The following ATP13A5 variants were observed in gnomAD, a reference collection of about 807,000 sequenced individuals.
ATP13A5 encodes the protein ATPase 13A5.
In ATP13A5, 149 loss-of-function variants were observed where a neutral mutation model predicts 150.2. That is an observed-to-expected ratio of 0.99 (90% CI 0.87 to 1.14). The LOEUF is 1.14. Among genes scored for constraint, ATP13A5 ranks in the 50% most tolerant of loss-of-function variants. The pLI is 0.00. For missense variants in ATP13A5, 1,383 were observed against 1,449.3 expected (o/e 0.95, Z 0.74); for synonymous variants, 497 against 522.2 (o/e 0.95, Z 0.66).
In ATP13A5 at chr3:193,307,348, T is replaced by C; in HGVS notation, c.2547A>G (p.Gly849=). 1 of 1,613,696 alleles carries C rather than the reference T, an allele frequency of 6.2e-7. No homozygotes were observed. The highest frequency in any genetic ancestry group is 1.1e-5 in the South Asian group (1 of 91,050). Residue 849 remains glycine (G), a synonymous_variant, in exon 22 of 30, where the codon GGA becomes GGG. Transcript: ENST00000342358. Reference sequence around the variant, plus strand: ...TCACCCCACAGTCGTTAGCTCCATCTCCACACATGCCCACATAATAACTGC... The same window carrying C: ...TCACCCCACAGTCGTTAGCTCCATCCCCACACATGCCCACATAATAACTGC... The part of the protein sequence containing the change: ...QKLNYYVGMC[G]DGANDCGALK...
intron 21 of ATP13A5, 57 bp downstream of exon 21, chr3:193,310,581 G>A: frequency 7.4e-7 from 1 of 1,346,596 alleles, no homozygotes; most frequent in Non-Finnish European, 1.0e-6. Flanking sequence ...CTGAATTATT[G>A]ACCCATAGGT....
At chr3:193,358,847 G>T (rs1423739399) in intron 5 of ATP13A5, among the ~76,000 whole-genome samples, 1 of 152,086 alleles carries the variant, frequency 6.6e-6, no homozygotes, top group Non-Finnish European at 1.5e-5. Flanking sequence ...AATGGAGATG[G>T]GGTACAAAGA....
chr3:193,351,371 AC>A (rs769736366), intron 6 of ATP13A5, among the ~76,000 whole-genome samples, 170 bp from the exon 7 acceptor site: 12 of 152,036 alleles, frequency 7.9e-5, no homozygotes, highest in Non-Finnish European at 1.8e-4. Context: ...AATGTCAAAC[AC>A]ATAGAATGTG....
In ATP13A5 at chr3:193,301,207, A is replaced by G. The variant is rs770952729; in HGVS notation, c.2775+4T>C. Reference sequence around the variant, plus strand: ...AACTGAGACAAAATGATTTTGTTTCATACCCAATAGAGCAGTAATGCACTG... The same window carrying G: ...AACTGAGACAAAATGATTTTGTTTCGTACCCAATAGAGCAGTAATGCACTG... On this transcript the variant is annotated splice_donor_region_variant and intron_variant, in intron 24 of 29. Transcript: ENST00000342358. 5.6e-6 allele frequency: 9 copies of G among 1,606,122 alleles called. No individual in the cohort carries two copies. The highest frequency in any genetic ancestry group is 1.1e-5 in the South Asian group (1 of 90,428).
chr3:193,362,429 A>T lies in ATP13A5; in HGVS notation c.488T>A (p.Ile163Asn), dbSNP rs138006161. 6.2e-7 allele frequency: 1 copy of T among 1,614,108 alleles called. No homozygotes were observed. The highest frequency in any genetic ancestry group is 1.3e-5 in the African/African-American group (1 of 75,048). Residue 163 changes from isoleucine (I) to asparagine (N), a missense_variant, in exon 5 of 30, where the codon ATC becomes AAC. This residue lies in a region of ATP13A5 where 787 missense variants were observed against 771.9 expected (regional missense o/e 1.02). Transcript: ENST00000342358. The part of the protein sequence containing the change: ...LLEDSNSCSD[I>N]HQTFGLGLTS... Reference sequence around the variant, plus strand: ...CAGACCCAATCCAAATGTCTGATGGATGTCAGAGCAGGAATTGCTGTCTTC... The same window carrying T: ...CAGACCCAATCCAAATGTCTGATGGTTGTCAGAGCAGGAATTGCTGTCTTC...
At chr3:193,353,029 G>A (rs1365155437) in intron 6 of ATP13A5, among the ~76,000 whole-genome samples, 2 of 152,014 alleles carry the variant, frequency 1.3e-5, no homozygotes, top group African/African-American at 2.4e-5. Context: ...AACAAGGGTG[G>A]CCATGGGCTT....
At chr3:193,308,464 C>CA (rs966123663) in intron 21 of ATP13A5, among the ~76,000 whole-genome samples, 11 of 151,700 alleles carry the variant, frequency 7.3e-5, no homozygotes, top group South Asian at 2.1e-4. Context: ...GTCTCAAAAA[C>CA]AAAAAAAAGT....
intron 25 of ATP13A5, among the ~76,000 whole-genome samples, chr3:193,298,347 A>C (rs1718256186): frequency 6.6e-6 from 1 of 152,120 alleles, no homozygotes; most frequent in African/African-American, 2.4e-5. Context: ...TTTCAACCCT[A>C]AGAATCAAAA....
intron 1 of ATP13A5, among the ~76,000 whole-genome samples, chr3:193,373,947 T>G (rs532019561): frequency 3.9e-5 from 6 of 152,220 alleles, no homozygotes; most frequent in Non-Finnish European, 8.8e-5. Context: ...TTTGACATTT[T>G]GTTGGTGGGT....
Position 193,333,912 on chromosome 3 carries a change from A to G in ATP13A5, c.1115-5T>C, listed in dbSNP as rs751091711. On this transcript the variant is annotated splice_polypyrimidine_tract_variant and splice_region_variant and intron_variant, in intron 10 of 29. Transcript: ENST00000342358. ...CCCCTTTGGCTGTATTGTAACCTAC[A>G]TAAAGATAATCATAGATCAAGTAAG... 3.5e-5 allele frequency: 56 copies of G among 1,610,502 alleles called. No homozygotes were observed. In the Admixed American group the frequency reaches 8.9e-4, roughly 26 times the overall value.
chr3:193,326,865 A>G lies in ATP13A5; in HGVS notation c.1523+131T>C, dbSNP rs1030985575. On this transcript the variant is annotated intron_variant, in intron 13 of 29. Coordinates refer to ENST00000342358, the MANE Select transcript of ATP13A5 (RefSeq NM_198505.4). The stretch of plus-strand genomic sequence containing the variant: ...TTCATTTAAGCAAGTTAGAATAATT[A>G]GGAACTAGTTCCAGCCAACTATTGT... 4.8e-5 allele frequency: 36 copies of G among 747,734 alleles called. No homozygotes were observed. The African/African-American group carries it at 5.9e-4, about 12-fold the overall frequency. The allele number at this position is 747,734 out of a possible 1,614,324, so 46.3% of individuals were successfully genotyped here.
rs1281875546 is a variant in ATP13A5, at chr3:193,354,207, T to C, written c.537-11A>G. 1.7e-5 allele frequency: 28 copies of C among 1,609,010 alleles called. No individual in the cohort carries two copies. The highest frequency in any genetic ancestry group is 1.7e-4 in the Middle Eastern group (1 of 6,056). On this transcript the variant is annotated splice_polypyrimidine_tract_variant and intron_variant, in intron 5 of 29. Coordinates refer to ENST00000342358, the MANE Select transcript of ATP13A5 (RefSeq NM_198505.4). ...CCACACACTAATCTTCTGCGGGAAA[T>C]TGATCATCCATTAGTGTCATAGCTA...
rs558774198 is a variant in ATP13A5 at position 193,302,065 on chromosome 3, T to C, written c.2679-758A>G. Among the ~76,000 whole-genome samples the C allele has an allele frequency of 3.4e-4, 52 of 152,266 alleles. 1 individual carries two copies. The South Asian group carries it at 8.5e-3, about 25-fold the overall frequency. ...CAGCATGTGATGCGAGAGTGGGACC[T>C]CAGCAAACCAGCTCTCCTTCAGCCT... On this transcript the variant is annotated intron_variant, in intron 23 of 29. Transcript: ENST00000342358.
chr3:193,316,820 T>A (rs1217392462), intron 17 of ATP13A5, among the ~76,000 whole-genome samples: 2 of 152,140 alleles, frequency 1.3e-5, no homozygotes, highest in East Asian at 3.9e-4. Flanking sequence ...CAGTTTAATA[T>A]CCACCAGCAA....
chr3:193,347,608 G>A (rs986793235), intron 7 of ATP13A5, among the ~76,000 whole-genome samples: 1 of 150,440 alleles, frequency 6.6e-6, no homozygotes, highest in Non-Finnish European at 1.5e-5. Context: ...TTTGGAAGTG[G>A]TGAAGTATGA....
intron 19 of ATP13A5, among the ~76,000 whole-genome samples, chr3:193,312,307 G>A (rs970457325): frequency 6.6e-6 from 1 of 152,024 alleles, no homozygotes; most frequent in Non-Finnish European, 1.5e-5. Flanking sequence ...TATTTTCTAA[G>A]ATCTCTACCA....
At chr3:193,369,252 T>A (rs1713358566) in intron 1 of ATP13A5, among the ~76,000 whole-genome samples, 1 of 151,952 alleles carries the variant, frequency 6.6e-6, no homozygotes, top group South Asian at 2.1e-4. Flanking sequence ...TCTCTAAGTT[T>A]TTTAAAAATA....
intron 7 of ATP13A5, among the ~76,000 whole-genome samples, chr3:193,345,348 C>A (rs1712295059): frequency 6.6e-6 from 1 of 152,010 alleles, no homozygotes; most frequent in Admixed American, 6.6e-5. Context: ...GCCAAGGAAC[C>A]TGTTAAAAGA....
At chr3:193,314,882 C>G in intron 18 of ATP13A5, 90 bp downstream of exon 18, 1 of 1,506,158 alleles carries the variant, frequency 6.6e-7, no homozygotes, top group Non-Finnish European at 9.0e-7. Flanking sequence ...TTTTCCCTGT[C>G]TCTGATACAT....
Sources: gnomAD v4.1 joint callset for allele counts (sites outside exome capture counted in the v4.1 genomes callset) on GRCh38, gnomAD v4.1.1 for gene constraint, gnomAD v4.1.1 regional missense constraint, MANE v1.5 for transcripts, NCBI Gene and HGNC (gene_info 2026-07-23, HGNC 2026-07-21) for gene names.